Variants in FHAD1 observed in about 807,000 individuals in gnomAD.
The protein encoded by FHAD1 is forkhead-associated domain-containing protein 1.
FHAD1 carries 146 observed loss-of-function variants against 191.3 expected under a neutral mutation model. That is an observed-to-expected ratio of 0.76 (90% CI 0.67 to 0.88). The LOEUF is 0.88. FHAD1 is among the 40% of genes least tolerant of loss of function. The pLI is 0.00. For missense variants in FHAD1, 1,635 were observed against 1,785.8 expected, an observed-to-expected ratio of 0.92 and a Z score of 1.52; for synonymous variants, 616 against 672.3, an observed-to-expected ratio of 0.92 and a Z score of 1.29.
intron 26 of FHAD1, among the ~76,000 whole-genome samples, chr1:15,374,018 C>T (rs1340063930): frequency 2.0e-5 from 3 of 152,152 alleles, no homozygotes; most frequent in Non-Finnish European, 2.9e-5. Flanking sequence ...CCAGAAGCTC[C>T]GAAGCCTCAG....
chr1:15,345,595 G>A (rs1558177509), intron 18 of FHAD1, 72 bp downstream of exon 18: 1 of 1,202,704 alleles, frequency 8.3e-7, no homozygotes, highest in African/African-American at 1.5e-5. Context: ...GTTCAGAGCG[G>A]CGATGATGGG....
intron 19 of FHAD1, among the ~76,000 whole-genome samples, chr1:15,350,232 G>A (rs1690367206): frequency 1.3e-5 from 2 of 152,294 alleles, no homozygotes; most frequent in Admixed American, 6.5e-5. Context: ...ACCAGGGCCA[G>A]GCTGCCAGAG....
intron 1 of FHAD1, 113 bp downstream of exon 1, chr1:15,247,508 G>GA (rs1449937652): frequency 6.2e-6 from 1 of 162,408 alleles, no homozygotes; most frequent in Non-Finnish European, 1.4e-5. Flanking sequence ...CATCCTCCTG[G>GA]ATCCAGGCTC....
intron 2 of FHAD1, among the ~76,000 whole-genome samples, chr1:15,252,261 C>T (rs1370804584): frequency 6.6e-6 from 1 of 152,210 alleles, no homozygotes; most frequent in Non-Finnish European, 1.5e-5. Flanking sequence ...AGTGTTACAG[C>T]TGTGTGGCTG....
intron 20 of FHAD1, among the ~76,000 whole-genome samples, chr1:15,353,470 T>C (rs1305384572): frequency 6.6e-6 from 1 of 152,036 alleles, no homozygotes; most frequent in African/African-American, 2.4e-5. Context: ...TTTGGGAGGC[T>C]GAAGTGGGCA....
intron 14 of FHAD1, among the ~76,000 whole-genome samples, chr1:15,338,603 G>T (rs140834658): frequency 6.6e-6 from 1 of 152,104 alleles, no homozygotes; most frequent in Admixed American, 6.5e-5. Context: ...ACCTGGAATC[G>T]TAGGGGGTCA....
intron 1 of FHAD1, among the ~76,000 whole-genome samples, chr1:15,250,964 C>G (rs1469356213): frequency 6.6e-6 from 1 of 152,138 alleles, no homozygotes; most frequent in South Asian, 2.1e-4. Context: ...GTGCCAGGCA[C>G]CATTCTAGAT....
At chr1:15,285,489 C>A (rs1454036882) in intron 3 of FHAD1, among the ~76,000 whole-genome samples, 2 of 152,144 alleles carry the variant, frequency 1.3e-5, no homozygotes, top group African/African-American at 4.8e-5. Context: ...GCCGAGATCA[C>A]GCCACTGCAC....
intron 5 of FHAD1, among the ~76,000 whole-genome samples, chr1:15,300,616 C>G (rs1353317499): frequency 6.6e-6 from 1 of 152,040 alleles, no homozygotes; most frequent in Non-Finnish European, 1.5e-5. Flanking sequence ...CAAAAATTCC[C>G]AAGTGGGATG....
At chr1:15,336,530 T>G (rs1684178635) in intron 14 of FHAD1, among the ~76,000 whole-genome samples, 1 of 152,124 alleles carries the variant, frequency 6.6e-6, no homozygotes. Flanking sequence ...AAATTCTTCT[T>G]TCTTTGGCGT....
chr1:15,369,164 G>A (rs896490967), intron 25 of FHAD1, among the ~76,000 whole-genome samples: 1 of 152,172 alleles, frequency 6.6e-6, no homozygotes, highest in Admixed American at 6.5e-5. Context: ...CCCCGTGCAG[G>A]AACCAAGGGC....
chr1:15,367,941 C>T (rs1696980591), intron 25 of FHAD1, among the ~76,000 whole-genome samples: 1 of 152,136 alleles, frequency 6.6e-6, no homozygotes, highest in Admixed American at 6.5e-5. Flanking sequence ...CACAGCAAGG[C>T]TACCTTTGCC....
chr1:15,324,271 A>C (rs867388661), intron 10 of FHAD1, among the ~76,000 whole-genome samples, 181 bp from the exon 11 acceptor site: 1 of 151,840 alleles, frequency 6.6e-6, no homozygotes, highest in Non-Finnish European at 1.5e-5. Context: ...CCTTTCCCCC[A>C]ACGGACAGTG....
chr1:15,307,625 G>A (rs1461471543), intron 6 of FHAD1, among the ~76,000 whole-genome samples: 1 of 152,156 alleles, frequency 6.6e-6, no homozygotes, highest in Admixed American at 6.5e-5. Flanking sequence ...GATCTGATGG[G>A]TTTATCAGGG....
chr1:15,376,089 A>ATTTATTTT (rs1558271515), intron 28 of FHAD1, among the ~76,000 whole-genome samples: 9 of 113,104 alleles, frequency 8.0e-5, no homozygotes, highest in Non-Finnish European at 1.2e-4. Flanking sequence ...TTTTTTATTT[A>ATTTATTTT]TTTTTTTATT....
At chr1:15,310,234 T>C (rs886148399) in intron 7 of FHAD1, among the ~76,000 whole-genome samples, 12 of 152,340 alleles carry the variant, frequency 7.9e-5, no homozygotes, top group African/African-American at 2.6e-4. Context: ...GAGCGTAGCA[T>C]TGAGTCAGAC....
At chr1:15,314,625 G>GGGT (rs1491452454) in intron 8 of FHAD1, 1 of 66,540 alleles carries the variant, frequency 1.5e-5, no homozygotes, top group African/African-American at 5.3e-5. Context: ...GTGTGGGTGT[G>GGGT]AGGATGTATG....
intron 28 of FHAD1, among the ~76,000 whole-genome samples, chr1:15,379,755 C>T (rs1700482889): frequency 6.6e-6 from 1 of 152,236 alleles, no homozygotes; most frequent in Non-Finnish European, 1.5e-5. Flanking sequence ...AGCATGCTGC[C>T]TTCAAGCATC....
chr1:15,298,145 A>G (rs979990675), intron 5 of FHAD1, among the ~76,000 whole-genome samples: 8 of 152,228 alleles, frequency 5.3e-5, no homozygotes, highest in Non-Finnish European at 8.8e-5. Flanking sequence ...CCATCAATCA[A>G]CGAGTGGATA....
Sources: gnomAD v4.1 joint callset for allele counts (sites outside exome capture counted in the v4.1 genomes callset) on GRCh38, gnomAD v4.1.1 for gene constraint, MANE v1.5 for transcripts, NCBI Gene and HGNC (gene_info 2026-07-23, HGNC 2026-07-21) for gene names.